The following COL23A1 variants were observed in gnomAD, a reference collection of about 807,000 sequenced individuals.
The protein encoded by COL23A1 is collagen type XXIII alpha 1 chain, also known as collagen alpha-1(XXIII) chain.
In COL23A1, 97 loss-of-function variants were observed where a neutral mutation model predicts 99.3. The ratio of observed to expected loss-of-function variants is 0.98; its 90% confidence interval spans 0.83 to 1.16. COL23A1 has a LOEUF of 1.16. COL23A1 is among the 50% of genes most tolerant of loss of function. The pLI, the probability that COL23A1 is intolerant of heterozygous loss-of-function variation, is 0.00. For synonymous variants in COL23A1, 320 were observed against 308.2 expected (o/e 1.04, Z -0.40); for missense variants, 762 against 757.4 (o/e 1.01, Z -0.07).
At chr5:178,297,977 G>C (rs1329711150) in intron 3 of COL23A1, among the ~76,000 whole-genome samples, 2 of 152,198 alleles carry the variant, frequency 1.3e-5, no homozygotes, top group African/African-American at 4.8e-5. Flanking sequence ...GTTGGTCCAC[G>C]CCAGCCAGGG....
intron 2 of COL23A1, among the ~76,000 whole-genome samples, chr5:178,343,242 C>T (rs546906636): frequency 7.9e-5 from 12 of 152,118 alleles, no homozygotes; most frequent in Non-Finnish European, 1.6e-4. Flanking sequence ...GACTGTTTCC[C>T]GCCTCCACCC....
chr5:178,557,880 T>C (rs1316871953), intron 2 of COL23A1, among the ~76,000 whole-genome samples: 1 of 151,882 alleles, frequency 6.6e-6, no homozygotes, highest in African/African-American at 2.4e-5. Flanking sequence ...TCTAAGGGGC[T>C]CTCGAGGTGA....
chr5:178,290,218 C>T (rs1757379797), intron 4 of COL23A1, 144 bp downstream of exon 4: 5 of 1,128,710 alleles, frequency 4.4e-6, no homozygotes, highest in South Asian at 1.3e-5. Context: ...AGGCGTGAGC[C>T]ACCGCACCTG....
chr5:178,547,116 G>A (rs1482848796), intron 2 of COL23A1, among the ~76,000 whole-genome samples: 1 of 152,120 alleles, frequency 6.6e-6, no homozygotes. Context: ...GGTAGAGAAG[G>A]CTTTTCAGGG....
At chr5:178,513,633 T>C (rs1759339214) in intron 2 of COL23A1, among the ~76,000 whole-genome samples, 1 of 152,072 alleles carries the variant, frequency 6.6e-6, no homozygotes, top group Non-Finnish European at 1.5e-5. Flanking sequence ...ACGTTTTTCC[T>C]GCTGTAATTG....
At chr5:178,261,467 A>C (rs554140737) in intron 11 of COL23A1, among the ~76,000 whole-genome samples, 1 of 152,278 alleles carries the variant, frequency 6.6e-6, no homozygotes, top group South Asian at 2.1e-4. Context: ...CAAAAGGCTA[A>C]TGTGTTTTAT....
intron 22 of COL23A1, 118 bp from the exon 23 acceptor site, chr5:178,246,571 C>T (rs1411754414): frequency 1.0e-6 from 1 of 992,798 alleles, no homozygotes; most frequent in Non-Finnish European, 1.5e-6. Context: ...CGAGGCTCCC[C>T]CAGGCCTGGC....
chr5:178,317,731 G>A (rs1382352617), intron 2 of COL23A1, among the ~76,000 whole-genome samples: 1 of 152,168 alleles, frequency 6.6e-6, no homozygotes, highest in African/African-American at 2.4e-5. Context: ...GTATTAGCCA[G>A]TTCTCATGCT....
intron 25 of COL23A1, among the ~76,000 whole-genome samples, chr5:178,245,537 CCCATCCATCCATTCA>C (rs1481025056): frequency 1.2e-5 from 1 of 80,138 alleles, no homozygotes; most frequent in Non-Finnish European, 2.5e-5. Context: ...TCATCCATCA[CCCATCCATCCATTCA>C]CCCATCCATC....
chr5:178,477,433 T>C (rs140725157), intron 2 of COL23A1, among the ~76,000 whole-genome samples: 3 of 152,294 alleles, frequency 2.0e-5, no homozygotes, highest in Non-Finnish European at 4.4e-5. Flanking sequence ...GAGTCACCAA[T>C]GTAACCCAGC....
chr5:178,525,813 A>C (rs915498113), intron 2 of COL23A1, among the ~76,000 whole-genome samples: 1 of 152,282 alleles, frequency 6.6e-6, no homozygotes, highest in African/African-American at 2.4e-5. Context: ...AACTTCATTA[A>C]CATGAAAAAT....
At chr5:178,348,002 G>A (rs1412379593) in intron 2 of COL23A1, among the ~76,000 whole-genome samples, 1 of 152,152 alleles carries the variant, frequency 6.6e-6, no homozygotes, top group African/African-American at 2.4e-5. Context: ...TAGAGGAGTG[G>A]TCTAGAACTT....
At chr5:178,286,948 CG>C (rs1418077199) in intron 5 of COL23A1, among the ~76,000 whole-genome samples, 1 of 152,236 alleles carries the variant, frequency 6.6e-6, no homozygotes, top group Non-Finnish European at 1.5e-5. Flanking sequence ...CAGAGTAACC[CG>C]GGGTGAAGGG....
chr5:178,244,962 CA>C (rs1764591243), intron 25 of COL23A1, among the ~76,000 whole-genome samples: 1 of 145,822 alleles, frequency 6.9e-6, no homozygotes, highest in Non-Finnish European at 1.5e-5. Flanking sequence ...CTGCCATCAT[CA>C]TCCATCCATC....
chr5:178,359,553 T>C (rs990400640), intron 2 of COL23A1, among the ~76,000 whole-genome samples: 1 of 152,184 alleles, frequency 6.6e-6, no homozygotes, highest in African/African-American at 2.4e-5. Context: ...GAAGGGACTG[T>C]CATGGCCCCT....
chr5:178,250,913 A>C (rs1180054193), intron 17 of COL23A1, among the ~76,000 whole-genome samples: 1 of 147,098 alleles, frequency 6.8e-6, no homozygotes, highest in East Asian at 2.1e-4. Flanking sequence ...CCCGGGAGAC[A>C]GGTTGCAGTG....
intron 2 of COL23A1, among the ~76,000 whole-genome samples, chr5:178,379,376 T>A (rs951895686): frequency 6.6e-6 from 1 of 152,150 alleles, no homozygotes. Flanking sequence ...ACTGTGTACC[T>A]CTGTGTGTGT....
intron 2 of COL23A1, among the ~76,000 whole-genome samples, chr5:178,364,026 G>A (rs1290793693): frequency 6.6e-6 from 1 of 152,178 alleles, no homozygotes; most frequent in Non-Finnish European, 1.5e-5. Context: ...CTCCACCTGA[G>A]GTAAAAGTGG....
intron 2 of COL23A1, among the ~76,000 whole-genome samples, chr5:178,325,777 A>G (rs187288721): frequency 1.0e-3 from 156 of 152,342 alleles, no homozygotes; most frequent in African/African-American, 3.6e-3. Context: ...TGACCATGCA[A>G]AGAGGCTCCC....
Sources: allele counts gnomAD v4.1 joint callset (sites outside exome capture counted in the v4.1 genomes callset), GRCh38; gene constraint gnomAD v4.1.1; transcripts MANE v1.5; gene names NCBI Gene and HGNC (gene_info 2026-07-23, HGNC 2026-07-21).